The following CNBD1 variants were observed in gnomAD, a reference collection of about 807,000 sequenced individuals.
The protein encoded by CNBD1 is cyclic nucleotide binding domain containing 1, also known as cyclic nucleotide-binding domain-containing protein 1.
CNBD1 carries 71 observed loss-of-function variants against 54.4 expected under a neutral mutation model. The observed-to-expected ratio is 1.30, with a 90% confidence interval of 1.08 to 1.59. The LOEUF is 1.59. CNBD1 is among the 40% of genes most tolerant of loss of function. The probability of loss-of-function intolerance (pLI) is 0.00; values close to 1 mark genes in which losing one functional copy is unlikely to be tolerated. For missense variants in CNBD1, 659 were observed against 518.0 expected (o/e 1.27, Z -2.64); for synonymous variants, 182 against 170.7 (o/e 1.07, Z -0.51).
intron 10 of CNBD1, among the ~76,000 whole-genome samples, chr8:87,362,611 T>A (rs923326806): frequency 6.6e-6 from 1 of 152,004 alleles, no homozygotes; most frequent in Admixed American, 6.6e-5. Context: ...AGATGGCCAT[T>A]AAGAGGAATT....
In CNBD1 at chr8:87,310,615, A is replaced by G. The variant is rs149448037; in HGVS notation, c.1042+23944A>G. On this transcript the variant is annotated intron_variant, in intron 8 of 10. Coordinates refer to ENST00000518476, the MANE Select transcript of CNBD1 (RefSeq NM_173538.3). Reference sequence around the variant, plus strand: ...TCAAATGACCAATGTCATTTTTCACATAATTTGAAATAAGCGATTCTAAAA... The same window carrying G: ...TCAAATGACCAATGTCATTTTTCACGTAATTTGAAATAAGCGATTCTAAAA... 1.3e-3 allele frequency among the ~76,000 whole-genome samples: 195 copies of G among 152,246 alleles called. 4 individuals carry two copies. The East Asian group carries it at 0.027, about 21-fold the overall frequency.
chr8:87,311,097 AG>A (rs199626968), intron 8 of CNBD1, among the ~76,000 whole-genome samples: 3,876 of 152,210 alleles, frequency 0.025, 57 homozygotes, highest in Non-Finnish European at 0.037. Context: ...AAAATTGACA[AG>A]TGGGACCTAA....
In CNBD1 at chr8:87,200,875, A is replaced by C. The variant is rs574639142; in HGVS notation, c.432-5118A>C. Among the ~76,000 whole-genome samples, 10 of 152,280 alleles carry C rather than the reference A, an allele frequency of 6.6e-5. No homozygotes were observed. The East Asian group carries it at 1.9e-3, about 29-fold the overall frequency. ...TCACAAAATCTTTCAAAAAATAGAA[A>C]AGGGAGAAACACATCCCAACTCGTT... On this transcript the variant is annotated intron_variant, in intron 4 of 10. Coordinates refer to ENST00000518476, the MANE Select transcript of CNBD1 (RefSeq NM_173538.3).
At position 87,238,899 on chromosome 8, in the gene CNBD1, A is replaced by G. The variant is rs181150627; in HGVS notation, c.771+1787A>G. 5.8e-4 allele frequency among the ~76,000 whole-genome samples: 88 copies of G among 152,172 alleles called. No homozygotes were observed. In the East Asian group the frequency reaches 0.013, roughly 22 times the overall value. ...AGTGCACTGAGAGCTCCCAGCAGCA[A>G]TCATCCTATGCCATGGTCCTTATAA... On this transcript the variant is annotated intron_variant, in intron 6 of 10. Coordinates refer to ENST00000518476, the MANE Select transcript of CNBD1 (RefSeq NM_173538.3).
intron 10 of CNBD1, 140 bp downstream of exon 10, chr8:87,353,926 C>A: frequency 1.8e-6 from 1 of 564,810 alleles, no homozygotes; most frequent in Non-Finnish European, 3.1e-6. Flanking sequence ...TTTGCATAAT[C>A]TCCTCCAGAT....
intron 10 of CNBD1, among the ~76,000 whole-genome samples, chr8:87,374,556 G>C (rs189210453): frequency 1.3e-5 from 2 of 151,926 alleles, no homozygotes; most frequent in East Asian, 3.9e-4. Flanking sequence ...ATTAGTTAGA[G>C]ACTGAACAAC....
intron 4 of CNBD1, among the ~76,000 whole-genome samples, chr8:87,099,469 A>G (rs1245087016): frequency 6.6e-6 from 1 of 152,200 alleles, no homozygotes; most frequent in Non-Finnish European, 1.5e-5. Context: ...GTAGATGTCG[A>G]AAATCAATTA....
At chr8:86,948,010 T>C (rs866836251) in intron 4 of CNBD1, among the ~76,000 whole-genome samples, 15 of 152,252 alleles carry the variant, frequency 9.9e-5, no homozygotes, top group Admixed American at 4.6e-4. Context: ...GACCATGTGA[T>C]GTTTGTCTTT....
chr8:87,309,808 G>A (rs1010204501), intron 8 of CNBD1, among the ~76,000 whole-genome samples: 1 of 151,828 alleles, frequency 6.6e-6, no homozygotes, highest in Admixed American at 6.6e-5. Context: ...TCTTCTAAAA[G>A]TACCATATTG....
intron 4 of CNBD1, among the ~76,000 whole-genome samples, chr8:87,101,242 G>A (rs1160945820): frequency 6.6e-6 from 1 of 152,106 alleles, no homozygotes; most frequent in Non-Finnish European, 1.5e-5. Flanking sequence ...TAGTAGACAA[G>A]GCCTTTTTAT....
intron 4 of CNBD1, among the ~76,000 whole-genome samples, chr8:87,063,612 A>T (rs1810588138): frequency 1.3e-5 from 2 of 152,090 alleles, no homozygotes; most frequent in African/African-American, 4.8e-5. Flanking sequence ...GGACCCTCGA[A>T]TCACTATATA....
intron 4 of CNBD1, among the ~76,000 whole-genome samples, chr8:87,192,088 A>G (rs745309332): frequency 1.8e-4 from 28 of 152,206 alleles, no homozygotes; most frequent in Non-Finnish European, 2.9e-4. Context: ...AAAATGATAA[A>G]AAATTGTTGT....
chr8:86,908,906 CG>C (rs1185514785), intron 3 of CNBD1, among the ~76,000 whole-genome samples: 1 of 151,308 alleles, frequency 6.6e-6, no homozygotes, highest in African/African-American at 2.4e-5. Flanking sequence ...TACAGGCACC[CG>C]CCACTACGCC....
chr8:87,311,844 A>T (rs1032555241), intron 8 of CNBD1, among the ~76,000 whole-genome samples: 1 of 152,056 alleles, frequency 6.6e-6, no homozygotes, highest in South Asian at 2.1e-4. Flanking sequence ...TTAACACAGG[A>T]ACTGAAACCA....
At chr8:86,993,634 T>C (rs1418029801) in intron 4 of CNBD1, among the ~76,000 whole-genome samples, 1 of 152,224 alleles carries the variant, frequency 6.6e-6, no homozygotes, top group Non-Finnish European at 1.5e-5. Context: ...GCTTCATTTC[T>C]GGATGCTTTC....
chr8:87,267,551 A>G (rs1808286982), intron 6 of CNBD1, among the ~76,000 whole-genome samples: 1 of 152,200 alleles, frequency 6.6e-6, no homozygotes, highest in Non-Finnish European at 1.5e-5. Context: ...AGATACTATT[A>G]TATATCAAAT....
At chr8:86,893,124 T>C (rs1288438317) in intron 2 of CNBD1, among the ~76,000 whole-genome samples, 1 of 152,190 alleles carries the variant, frequency 6.6e-6, no homozygotes, top group Admixed American at 6.5e-5. Flanking sequence ...AGAACAGCCC[T>C]GTCTTTTGGG....
chr8:87,426,191 C>T (rs556226366), intron 2 of CNBD1, among the ~76,000 whole-genome samples: 76 of 152,276 alleles, frequency 5.0e-4, no homozygotes, highest in African/African-American at 1.4e-3. Flanking sequence ...GCACGGTGCG[C>T]GCACCCACTG....
At chr8:87,207,680 C>T (rs901200385) in intron 5 of CNBD1, among the ~76,000 whole-genome samples, 5 of 152,010 alleles carry the variant, frequency 3.3e-5, no homozygotes, top group East Asian at 1.9e-4. Context: ...TGTAATTATA[C>T]ATTTATTTTT....
Sources: allele counts gnomAD v4.1 joint callset (sites outside exome capture counted in the v4.1 genomes callset), GRCh38; gene constraint gnomAD v4.1.1; transcripts MANE v1.5; gene names NCBI Gene and HGNC (gene_info 2026-07-23, HGNC 2026-07-21).